The following FAM228B variants were observed in gnomAD, a reference collection of about 807,000 sequenced individuals.
FAM228B encodes family with sequence similarity 228 member B.
In FAM228B, 38 loss-of-function variants were observed where a neutral mutation model predicts 42.6. The ratio of observed to expected loss-of-function variants is 0.89; its 90% CI spans 0.69 to 1.17. FAM228B has a LOEUF of 1.17. Ranked by LOEUF, FAM228B falls within the 50% of genes most tolerant of loss-of-function variation. The probability of loss-of-function intolerance (pLI) is 0.00; values close to 1 mark genes in which losing one functional copy is unlikely to be tolerated. For synonymous variants in FAM228B, 109 were observed against 122.3 expected (o/e 0.89, Z 0.72); for missense variants, 344 against 367.3 (o/e 0.94, Z 0.52).
intron 3 of FAM228B, among the ~76,000 whole-genome samples, chr2:24,104,798 G>T (rs1291539844): frequency 1.3e-5 from 2 of 151,822 alleles, no homozygotes. Context: ...CAAGGCACAT[G>T]ACCATACCCA....
chr2:24,131,587 G>A lies in FAM228B; in HGVS notation c.100-3532G>A, dbSNP rs185543473. ...TCCTAGGTATTTTATTTTCTTTATA[G>A]CAATTGTGAATGAGAGTTTATTAAT... On this transcript the variant is annotated intron_variant, in intron 2 of 10. Coordinates refer to ENST00000615575, the MANE Select transcript of FAM228B (RefSeq NM_001145710.2). Among the ~76,000 whole-genome samples, 48 of 152,190 alleles carry A rather than the reference G, an allele frequency of 3.2e-4. 1 individual carries two copies. The highest frequency in any genetic ancestry group is 3.4e-3 in the Middle Eastern group (1 of 294).
At position 24,108,767 on chromosome 2, in the gene FAM228B, G is replaced by T. The variant is rs900460388; in HGVS notation, c.-121+13538G>T. On this transcript the variant is annotated intron_variant, in intron 3 of 10. Coordinates refer to the FAM228B transcript ENST00000613899. ...ATACAAAAAATTAGCTGGGTGTGGT[G>T]GTGGGTACCTGTAGTCCCAGCCACT... Among the ~76,000 whole-genome samples the T allele has an allele frequency of 3.3e-5, 5 of 152,092 alleles. No homozygotes were observed. The East Asian group carries it at 9.7e-4, about 29-fold the overall frequency.
chr2:24,162,301 G>C (rs1312907839), intron 8 of FAM228B, among the ~76,000 whole-genome samples: 1 of 152,194 alleles, frequency 6.6e-6, no homozygotes, highest in Non-Finnish European at 1.5e-5. Context: ...GTTGTACCTA[G>C]AGTGAAAGAT....
chr2:24,140,004 TAGC>T (rs1241803292), intron 5 of FAM228B, among the ~76,000 whole-genome samples: 1 of 152,210 alleles, frequency 6.6e-6, no homozygotes, highest in Non-Finnish European at 1.5e-5. Flanking sequence ...CTGTTACTAA[TAGC>T]AGAATTAATT....
chr2:24,122,758 T>C (rs1044398309), upstream of FAM228B: 3 of 415,586 alleles, frequency 7.2e-6, no homozygotes, highest in Non-Finnish European at 1.3e-5. Context: ...TCACACAGAA[T>C]AGGTTATGAA....
chr2:24,125,924 G>A (rs908092612), intron 2 of FAM228B, among the ~76,000 whole-genome samples: 4 of 152,190 alleles, frequency 2.6e-5, no homozygotes, highest in African/African-American at 9.7e-5. Flanking sequence ...GAATCTTACA[G>A]TATATATTTC....
chr2:24,110,836 G>A (rs144487364), intron 3 of FAM228B, among the ~76,000 whole-genome samples: 6 of 152,288 alleles, frequency 3.9e-5, no homozygotes, highest in Non-Finnish European at 8.8e-5. Context: ...CCTGGAACTC[G>A]TGTTTGGCAT....
chr2:24,116,280 A>T (rs1487819615), intron 3 of FAM228B, among the ~76,000 whole-genome samples: 1 of 151,898 alleles, frequency 6.6e-6, no homozygotes, highest in African/African-American at 2.4e-5. Flanking sequence ...ATGAGCTGAC[A>T]TCCCACCACA....
intron 3 of FAM228B, among the ~76,000 whole-genome samples, chr2:24,111,673 A>G (rs922394766): frequency 6.6e-6 from 1 of 152,070 alleles, no homozygotes; most frequent in African/African-American, 2.4e-5. Flanking sequence ...GTCCAACATC[A>G]CCATGATTTA....
Position 24,161,521 on chromosome 2 carries a change from G to A in FAM228B, c.702G>A (p.Val234=), listed in dbSNP as rs762969310. The change falls in exon 8 of 11, where the codon GTG becomes GTA. Residue 234 remains valine (V), a synonymous_variant. Transcript: ENST00000615575. Reference sequence around the variant, plus strand: ...CTTGTTAAAGGTTAAAGGTGAAAGTGAATTTTAATGACTGTAGTTTTGATT... The same window carrying A: ...CTTGTTAAAGGTTAAAGGTGAAAGTAAATTTTAATGACTGTAGTTTTGATT... The part of the protein sequence containing the change: ...FCRRRRLKVK[V]NFNDCSFDLK... The A allele has an allele frequency of 6.5e-7, 1 of 1,536,506 alleles. No homozygotes were observed. Among genetic ancestry groups the A allele is most frequent in the South Asian group, 1.2e-5 (1 of 83,418 alleles).
At chr2:24,132,331 G>T (rs1444482152) in intron 2 of FAM228B, among the ~76,000 whole-genome samples, 1 of 152,250 alleles carries the variant, frequency 6.6e-6, no homozygotes, top group South Asian at 2.1e-4. Flanking sequence ...GTACCAGGAT[G>T]ATGGCCTCAT....
chr2:24,144,444 G>T (rs527942356), intron 5 of FAM228B, among the ~76,000 whole-genome samples: 1 of 152,296 alleles, frequency 6.6e-6, no homozygotes, highest in African/African-American at 2.4e-5. Context: ...AAGATGACTG[G>T]CTTGAGGCAT....
chr2:24,110,753 G>A (rs1665777042), intron 3 of FAM228B, among the ~76,000 whole-genome samples: 1 of 152,038 alleles, frequency 6.6e-6, no homozygotes, highest in Non-Finnish European at 1.5e-5. Context: ...AAATTATCAT[G>A]AGTCATGGGA....
chr2:24,147,693 T>C (rs1394846401), intron 7 of FAM228B, among the ~76,000 whole-genome samples: 1 of 152,214 alleles, frequency 6.6e-6, no homozygotes, highest in Non-Finnish European at 1.5e-5. Flanking sequence ...ATCTTTGATA[T>C]CATGATTTTC....
chr2:24,135,941 CT>C (rs752948053), intron 3 of FAM228B, among the ~76,000 whole-genome samples: 1,448 of 98,126 alleles, frequency 0.015, 15 homozygotes, highest in Non-Finnish European at 0.023. Flanking sequence ...TTACTCTTGC[CT>C]TTTTTTTTTT....
At chr2:24,101,926 C>G (rs971769084) in intron 3 of FAM228B, among the ~76,000 whole-genome samples, 8 of 152,132 alleles carry the variant, frequency 5.3e-5, no homozygotes, top group Non-Finnish European at 1.0e-4. Context: ...TTGTGATCTG[C>G]CCGCCTTGGC....
At chr2:24,115,700 T>C (rs1187604687) in intron 3 of FAM228B, 23 of 1,432,142 alleles carry the variant, frequency 1.6e-5, no homozygotes, top group Non-Finnish European at 2.0e-5. Flanking sequence ...TCCACAAACA[T>C]TGCCAGGTGA....
At chr2:24,118,674 A>T (rs1464318202), upstream of FAM228B, among the ~76,000 whole-genome samples, 1 of 152,212 alleles carries the variant, frequency 6.6e-6, no homozygotes, top group African/African-American at 2.4e-5. Flanking sequence ...TGCAGAATAG[A>T]TGTGAGGGAC....
intron 7 of FAM228B, among the ~76,000 whole-genome samples, chr2:24,148,294 C>T (rs774208060): frequency 1.4e-4 from 22 of 152,168 alleles, no homozygotes; most frequent in African/African-American, 2.7e-4. Flanking sequence ...CCCTCTCCCA[C>T]GGGAGTATAC....
Sources: allele counts gnomAD v4.1 joint callset (sites outside exome capture counted in the v4.1 genomes callset), GRCh38; gene constraint gnomAD v4.1.1; transcripts MANE v1.5; gene names NCBI Gene and HGNC (gene_info 2026-07-23, HGNC 2026-07-21).